Variants in ALKBH3 observed in about 807,000 individuals in gnomAD.
The protein encoded by ALKBH3 is alkB homolog 3, alpha-ketoglutarate dependent dioxygenase.
A neutral mutation model predicts 43.9 loss-of-function variants in ALKBH3; 51 were observed. That is an observed-to-expected ratio of 1.16 (90% CI 0.93 to 1.47). The LOEUF (loss-of-function observed/expected upper bound fraction) is 1.47, where lower values mean the gene tolerates loss of function less well. Among genes scored for constraint, ALKBH3 ranks in the 40% most tolerant of loss-of-function variants. ALKBH3 has a pLI of 0.00. For synonymous variants in ALKBH3, 102 were observed against 115.2 expected (o/e 0.89, Z 0.73); for missense variants, 361 against 351.9 (o/e 1.03, Z -0.21).
intron 6 of ALKBH3, among the ~76,000 whole-genome samples, chr11:43,891,324 G>T (rs939388500): frequency 6.6e-6 from 1 of 151,632 alleles, no homozygotes; most frequent in Non-Finnish European, 1.5e-5. Flanking sequence ...TTTCTTATCA[G>T]TAAAATTAAA....
At chr11:43,901,049 T>C (rs1951860141) in intron 7 of ALKBH3, among the ~76,000 whole-genome samples, 1 of 152,190 alleles carries the variant, frequency 6.6e-6, no homozygotes, top group African/African-American at 2.4e-5. Context: ...AAAATAGGAA[T>C]AGAACGAACA....
chr11:43,915,101 G>A (rs907741619), intron 8 of ALKBH3, among the ~76,000 whole-genome samples: 2 of 151,758 alleles, frequency 1.3e-5, no homozygotes, highest in African/African-American at 4.8e-5. Context: ...CCAGCTACTC[G>A]GGAGGCTGAG....
chr11:43,898,150 G>A, intron 7 of ALKBH3: 1 of 1,214,558 alleles, frequency 8.2e-7, no homozygotes, highest in Non-Finnish European at 1.2e-6. Flanking sequence ...CAAACTAGAT[G>A]CTGACTACAT....
intron 6 of ALKBH3, among the ~76,000 whole-genome samples, chr11:43,891,819 C>T (rs547354841): frequency 6.6e-6 from 1 of 152,344 alleles, no homozygotes; most frequent in Admixed American, 6.5e-5. Flanking sequence ...ATTCTCATCT[C>T]AGAGCCTTTG....
intron 6 of ALKBH3, among the ~76,000 whole-genome samples, chr11:43,891,435 T>A (rs891689546): frequency 6.6e-5 from 10 of 152,218 alleles, no homozygotes; most frequent in Non-Finnish European, 1.0e-4. Context: ...TATTAGCTGC[T>A]GCTATTATTA....
At position 43,883,158 on chromosome 11, in the gene ALKBH3, CAG is replaced by C. The variant is rs1951723532; in HGVS notation, c.158_159del (p.Glu53ValfsTer12). ...WKNKEHHLSD[R>X]EFVFKEPQQV... ...AGAACAAAGAGCATCATCTCTCTGA[CAG>C]AGAGTTTGTGTTCAAAGAACCTCAG... On this transcript the variant is annotated frameshift_variant, in exon 3 of 10. Transcript: ENST00000302708. LOFTEE classifies it high-confidence loss of function. The C allele has an allele frequency of 1.2e-6, 2 of 1,613,934 alleles. No individual in the cohort carries two copies. Among genetic ancestry groups the C allele is most frequent in the South Asian group, 1.1e-5 (1 of 90,984 alleles).
At chr11:43,882,861 A>G in intron 2 of ALKBH3, 130 bp downstream of exon 2, 1 of 1,148,436 alleles carries the variant, frequency 8.7e-7, no homozygotes, top group East Asian at 2.6e-5. Context: ...AATGTGGCTG[A>G]TATTTTGTCC....
intron 7 of ALKBH3, 150 bp from the exon 8 acceptor site, chr11:43,901,366 C>A: frequency 1.3e-6 from 1 of 768,372 alleles, no homozygotes; most frequent in Non-Finnish European, 2.1e-6. Context: ...CTTTTCTTGC[C>A]TTCTGTTTAT....
chr11:43,890,419 G>A (rs377146117), intron 6 of ALKBH3, among the ~76,000 whole-genome samples: 3 of 152,102 alleles, frequency 2.0e-5, no homozygotes, highest in African/African-American at 4.8e-5. Context: ...ACTTGGGGGC[G>A]TCTGTACTCT....
chr11:43,902,665 C>T (rs1240250511), intron 8 of ALKBH3, among the ~76,000 whole-genome samples: 9 of 152,338 alleles, frequency 5.9e-5, no homozygotes, highest in Non-Finnish European at 8.8e-5. Flanking sequence ...GGCACGATCT[C>T]GGCTCACTGC....
At chr11:43,911,045 A>G (rs1951934684) in intron 8 of ALKBH3, among the ~76,000 whole-genome samples, 1 of 152,236 alleles carries the variant, frequency 6.6e-6, no homozygotes, top group African/African-American at 2.4e-5. Flanking sequence ...CTAGACTATA[A>G]TCAAATAAAC....
intron 4 of ALKBH3, among the ~76,000 whole-genome samples, chr11:43,884,226 A>G (rs544354385): frequency 3.7e-4 from 57 of 152,348 alleles, no homozygotes; most frequent in Non-Finnish European, 4.7e-4. Context: ...GCAACAAGAT[A>G]TCCATATGTT....
intron 6 of ALKBH3, among the ~76,000 whole-genome samples, chr11:43,891,056 G>A (rs181215231): frequency 6.6e-6 from 1 of 152,172 alleles, no homozygotes; most frequent in East Asian, 1.9e-4. Context: ...TTTGATCCAT[G>A]GTTTGAGTAT....
rs373202806 is a variant in ALKBH3 at position 43,901,693 on chromosome 11, C to T, written c.637C>T (p.Arg213Cys). The T allele has an allele frequency of 6.3e-5, 102 of 1,614,234 alleles. No homozygotes were observed. In the East Asian group the frequency reaches 1.3e-3, roughly 21 times the overall value. ...TGCTTCACTAAGTTTTGGTGCCACA[C>T]GCACATTTGAGATGAGAAAGAAGCC... is the stretch of plus-strand genomic sequence containing the variant. ...IIASLSFGAT[R>C]TFEMRKKPPP... Residue 213 changes from arginine to cysteine, a missense_variant, in exon 8 of 10, where the codon CGC becomes TGC. Transcript: ENST00000302708.
intron 8 of ALKBH3, among the ~76,000 whole-genome samples, chr11:43,913,429 C>CT (rs1463272697): frequency 6.6e-6 from 1 of 152,114 alleles, no homozygotes; most frequent in African/African-American, 2.4e-5. Flanking sequence ...ATAATGGCCT[C>CT]TAAGATTTAT....
intron 8 of ALKBH3, among the ~76,000 whole-genome samples, chr11:43,912,975 T>C (rs1305557124): frequency 1.3e-5 from 2 of 151,872 alleles, no homozygotes; most frequent in Non-Finnish European, 2.9e-5. Flanking sequence ...TTTTCTAAAA[T>C]GTTGTAGCAA....
At chr11:43,915,547 A>G (rs1951977044) in intron 8 of ALKBH3, among the ~76,000 whole-genome samples, 8 of 152,210 alleles carry the variant, frequency 5.3e-5, no homozygotes, top group Admixed American at 3.3e-4. Context: ...TTAAAAAAAA[A>G]TACTGGTGTA....
At chr11:43,884,069 C>G in intron 4 of ALKBH3, 52 bp downstream of exon 4, 1 of 1,602,712 alleles carries the variant, frequency 6.2e-7, no homozygotes, top group Non-Finnish European at 8.5e-7. Flanking sequence ...AAATGAAGAG[C>G]CTGGAATCTT....
chr11:43,909,183 T>C (rs1171951612), intron 8 of ALKBH3: 5 of 152,220 alleles, frequency 3.3e-5, no homozygotes, highest in African/African-American at 9.7e-5. Context: ...GCAGATCTTA[T>C]TTCAGAAACA....
Sources: gnomAD v4.1 joint callset for allele counts (sites outside exome capture counted in the v4.1 genomes callset) on GRCh38, gnomAD v4.1.1 for gene constraint, MANE v1.5 for transcripts, NCBI Gene and HGNC (gene_info 2026-07-23, HGNC 2026-07-21) for gene names.